Variants in IL34 observed in about 807,000 individuals in gnomAD.
IL34 encodes the protein interleukin-34.
IL34 carries 17 observed loss-of-function variants against 25.3 expected under a neutral mutation model. The ratio of observed to expected loss-of-function variants is 0.67; its 90% CI spans 0.46 to 1.01. IL34 has a LOEUF of 1.01. Ranked by LOEUF, IL34 falls within the 50% of genes least tolerant of loss-of-function variation. The pLI is 0.00. For synonymous variants in IL34, 174 were observed against 140.9 expected (o/e 1.23, Z -1.66); for missense variants, 368 against 312.9 (o/e 1.18, Z -1.33).
At chr16:70,618,669 C>T (rs1158891005) in intron 1 of IL34, among the ~76,000 whole-genome samples, 1 of 152,132 alleles carries the variant, frequency 6.6e-6, no homozygotes, top group Non-Finnish European at 1.5e-5. Context: ...TCTGACCACG[C>T]TAACCATGCC....
chr16:70,587,536 G>A (rs2050709148), intron 1 of IL34, among the ~76,000 whole-genome samples: 1 of 151,962 alleles, frequency 6.6e-6, no homozygotes, highest in African/African-American at 2.4e-5. Flanking sequence ...GTCCCAAAGG[G>A]CTGGGATTAC....
intron 1 of IL34, among the ~76,000 whole-genome samples, chr16:70,651,390 C>T (rs527903703): frequency 2.6e-5 from 4 of 152,320 alleles, no homozygotes; most frequent in Admixed American, 2.6e-4. Context: ...ATCTGTTCTT[C>T]TCACCCAATA....
At chr16:70,653,680 C>CA (rs763032125) in intron 1 of IL34, among the ~76,000 whole-genome samples, 2 of 150,486 alleles carry the variant, frequency 1.3e-5, no homozygotes, top group Non-Finnish European at 3.0e-5. Flanking sequence ...CCAGGGTGAC[C>CA]AAAAAAAAGA....
chr16:70,633,118 C>G (rs745910751), intron 1 of IL34, among the ~76,000 whole-genome samples: 12 of 152,150 alleles, frequency 7.9e-5, no homozygotes, highest in African/African-American at 2.2e-4. Context: ...GTGCATGCCA[C>G]CATGCCTGGC....
At position 70,660,396 on chromosome 16, in the gene IL34, G is replaced by A. The variant is rs997583767; in HGVS notation, c.*209G>A. 2.0e-6 allele frequency: 1 copy of A among 498,220 alleles called. No individual in the cohort carries two copies. Among genetic ancestry groups the A allele is most frequent in the South Asian group, 3.8e-5 (1 of 26,144 alleles). 30.9% of individuals were successfully genotyped at this position (498,220 alleles called of 1,614,324 possible). A position where few individuals can be genotyped will look rare whatever the true frequency, so the allele number is the denominator to read the frequency against. On this transcript the variant is annotated 3_prime_UTR_variant, in exon 6 of 6. Coordinates refer to ENST00000288098, the MANE Select transcript of IL34 (RefSeq NM_001393494.1). ...TGTCATGGCCTCACCTGGAGCGGAG[G>A]GGACCTGGGGACCTGAAGGTGGATG...
intron 1 of IL34, among the ~76,000 whole-genome samples, chr16:70,619,667 C>G (rs1053398838): frequency 1.3e-5 from 2 of 152,098 alleles, no homozygotes; most frequent in Non-Finnish European, 2.9e-5. Context: ...GAGAGTTACT[C>G]GAAGCTCAGC....
chr16:70,611,198 G>A (rs2051086066), intron 1 of IL34, among the ~76,000 whole-genome samples: 1 of 152,040 alleles, frequency 6.6e-6, no homozygotes, highest in South Asian at 2.1e-4. Context: ...GGCTGGTCTC[G>A]AACTCCTGTG....
chr16:70,620,457 T>TTAC (rs201404910), intron 1 of IL34, among the ~76,000 whole-genome samples: 8 of 149,522 alleles, frequency 5.4e-5, no homozygotes, highest in East Asian at 2.0e-4. Context: ...GATAAAAAGA[T>TTAC]AGGGTGGAGG....
chr16:70,651,301 T>C (rs1407451549), intron 1 of IL34, among the ~76,000 whole-genome samples: 3 of 151,984 alleles, frequency 2.0e-5, no homozygotes, highest in African/African-American at 7.3e-5. Flanking sequence ...CAAGAGTAGA[T>C]GCTAAGCTGA....
intron 4 of IL34, among the ~76,000 whole-genome samples, chr16:70,658,662 G>A (rs1454489669): frequency 6.6e-6 from 1 of 151,824 alleles, no homozygotes; most frequent in Non-Finnish European, 1.5e-5. Flanking sequence ...GTAGAGACGG[G>A]GTTCTGCCAT....
chr16:70,646,834 C>CCTGA lies in IL34; in HGVS notation c.-109_-106dup. 9.5e-7 allele frequency: 1 copy of CCTGA among 1,056,608 alleles called. No homozygotes were observed. The highest frequency in any genetic ancestry group is 1.3e-6 in the Non-Finnish European group (1 of 763,840). 65.5% of individuals were successfully genotyped at this position (1,056,608 alleles called of 1,614,324 possible). A position where few individuals can be genotyped will look rare whatever the true frequency, so the allele number is the denominator to read the frequency against. Reference sequence around the variant, plus strand: ...GCCACTCCTCCAGGGCCAGCCCTTCCCTGACTGAGTGACCACCTCTGCTGC... The same window carrying CCTGA: ...GCCACTCCTCCAGGGCCAGCCCTTCCCTGACTGACTGAGTGACCACCTCTGCTGC... On this transcript the variant is annotated 5_prime_UTR_variant, in exon 1 of 6. Transcript: ENST00000288098.
chr16:70,608,879 C>T (rs748845535), intron 1 of IL34, among the ~76,000 whole-genome samples: 5 of 151,890 alleles, frequency 3.3e-5, no homozygotes, highest in African/African-American at 9.7e-5. Flanking sequence ...GCTCAGGCAG[C>T]GAGGAAGGCG....
chr16:70,639,743 C>T (rs2051738118), intron 1 of IL34, among the ~76,000 whole-genome samples: 1 of 152,254 alleles, frequency 6.6e-6, no homozygotes, highest in South Asian at 2.1e-4. Context: ...TGCTTGAGCC[C>T]AGGAGTTTGA....
chr16:70,634,035 G>C (rs953575254), intron 1 of IL34, among the ~76,000 whole-genome samples: 6 of 152,130 alleles, frequency 3.9e-5, no homozygotes, highest in East Asian at 1.9e-4. Flanking sequence ...ATTTTTAGTA[G>C]AGACGGGGTT....
At chr16:70,626,311 A>G (rs1432744162) in intron 1 of IL34, among the ~76,000 whole-genome samples, 2 of 152,062 alleles carry the variant, frequency 1.3e-5, no homozygotes, top group Admixed American at 1.3e-4. Flanking sequence ...CAAATTTATC[A>G]GTCTTTTATG....
chr16:70,636,911 G>A (rs1347177340), intron 1 of IL34, among the ~76,000 whole-genome samples: 2 of 151,032 alleles, frequency 1.3e-5, no homozygotes, highest in African/African-American at 4.9e-5. Flanking sequence ...ACGGGGTTTC[G>A]TTCTGTCGCC....
intron 2 of IL34, among the ~76,000 whole-genome samples, chr16:70,655,148 G>T (rs1364087649): frequency 1.3e-5 from 2 of 151,710 alleles, no homozygotes; most frequent in Non-Finnish European, 2.9e-5. Context: ...CACCTCCCCG[G>T]TTCCAGTGAT....
chr16:70,620,403 A>T (rs1291213702), intron 1 of IL34, among the ~76,000 whole-genome samples: 1 of 151,996 alleles, frequency 6.6e-6, no homozygotes, highest in Non-Finnish European at 1.5e-5. Context: ...AGGGCTAGTC[A>T]CGCAACGAAA....
upstream of IL34, among the ~76,000 whole-genome samples, chr16:70,644,005 C>T (rs747762570): frequency 7.9e-5 from 12 of 152,238 alleles, no homozygotes; most frequent in East Asian, 1.9e-4. Flanking sequence ...GACAGAATCT[C>T]GCTCTGTTGC....
Sources: gnomAD v4.1 joint callset for allele counts (sites outside exome capture counted in the v4.1 genomes callset) on GRCh38, gnomAD v4.1.1 for gene constraint, MANE v1.5 for transcripts, NCBI Gene and HGNC (gene_info 2026-07-23, HGNC 2026-07-21) for gene names.